The following RGL1 variants were observed in gnomAD, a reference collection of about 807,000 sequenced individuals.
RGL1 encodes ral guanine nucleotide dissociation stimulator like 1.
A neutral mutation model predicts 95.2 loss-of-function variants in RGL1; 24 were observed. That is an observed-to-expected ratio of 0.25 (90% confidence interval 0.18 to 0.35). The LOEUF is 0.35. Among genes scored for constraint, RGL1 ranks in the 10% least tolerant of loss-of-function variants. RGL1 has a pLI of 1.00. For synonymous variants in RGL1, 329 were observed against 344.9 expected, an observed-to-expected ratio of 0.95 and a Z score of 0.51; for missense variants, 715 against 936.3, an observed-to-expected ratio of 0.76 and a Z score of 3.08.
intron 1 of RGL1, among the ~76,000 whole-genome samples, chr1:183,688,361 A>G (rs1653742411): frequency 6.6e-6 from 1 of 152,194 alleles, no homozygotes; most frequent in African/African-American, 2.4e-5. Flanking sequence ...CAGTAAAAAC[A>G]CCTTTTATAT....
intron 2 of RGL1, among the ~76,000 whole-genome samples, chr1:183,798,215 T>C (rs934883522): frequency 2.6e-5 from 4 of 152,206 alleles, no homozygotes; most frequent in African/African-American, 9.6e-5. Context: ...TCAGGACTGC[T>C]TTCTTCTAAA....
chr1:183,687,716 T>C (rs959745211), intron 1 of RGL1, among the ~76,000 whole-genome samples: 4 of 152,174 alleles, frequency 2.6e-5, no homozygotes, highest in Non-Finnish European at 4.4e-5. Flanking sequence ...GAGAAGTGAA[T>C]GCAAAACATC....
At position 183,926,346 on chromosome 1, in the gene RGL1, AG is replaced by A. The variant is rs1669615754; in HGVS notation, c.*56del. On this transcript the variant is annotated 3_prime_UTR_variant, in exon 18 of 18. Transcript: ENST00000360851. Reference sequence around the variant, plus strand: ...CAAAGGCAGAGTGGGGCTGAGAAACAGGCTGCGGTGATTGCAATTACCATCC... The same window carrying A: ...CAAAGGCAGAGTGGGGCTGAGAAACAGCTGCGGTGATTGCAATTACCATCC... The A allele has an allele frequency of 6.7e-7, 1 of 1,486,092 alleles. No individual in the cohort carries two copies. The highest frequency in any genetic ancestry group is 1.4e-5 in the African/African-American group (1 of 71,090). 92.1% of individuals were successfully genotyped at this position (1,486,092 alleles called of 1,614,324 possible). A position where few individuals can be genotyped will look rare whatever the true frequency, so the allele number is the denominator to read the frequency against.
At chr1:183,856,507 A>C (rs1665157896) in intron 3 of RGL1, among the ~76,000 whole-genome samples, 1 of 151,564 alleles carries the variant, frequency 6.6e-6, no homozygotes, top group Admixed American at 6.6e-5. Context: ...TCAAATTATG[A>C]GTTTATGTTC....
rs1376804417 is a variant in RGL1 at position 183,643,258 on chromosome 1, GTTTTTTTATTTA to G, written c.-33+6761_-33+6772del. On this transcript the variant is annotated intron_variant, in intron 1 of 18. Coordinates refer to the RGL1 transcript ENST00000304685. Reference sequence around the variant, plus strand: ...TGTAGAACTATCTCTTTGAGGTCCTGTTTTTTTATTTATTTATTTATTTATTTATTTATTTAT... The same window carrying G: ...TGTAGAACTATCTCTTTGAGGTCCTGTTTATTTATTTATTTATTTATTTAT... Among the ~76,000 whole-genome samples, 189 of 142,978 alleles carry G rather than the reference GTTTTTTTATTTA, an allele frequency of 1.3e-3. 2 individuals carry two copies. Among genetic ancestry groups the G allele is most frequent in the Admixed American group, 1.4e-3 (20 of 14,204 alleles). The allele number at this position is 142,978 out of a possible 152,430, so 93.8% of individuals were successfully genotyped here.
intron 1 of RGL1, among the ~76,000 whole-genome samples, chr1:183,713,415 A>C (rs1558167693): frequency 7.8e-6 from 1 of 128,538 alleles, no homozygotes; most frequent in Non-Finnish European, 1.6e-5. Context: ...TTTTGACTGA[A>C]ACTTTATCTT....
At chr1:183,783,245 A>C (rs1258513962) in intron 2 of RGL1, among the ~76,000 whole-genome samples, 1 of 152,044 alleles carries the variant, frequency 6.6e-6, no homozygotes, top group African/African-American at 2.4e-5. Context: ...CAAGAGAGAG[A>C]GGGAGGGGGA....
intron 2 of RGL1, among the ~76,000 whole-genome samples, chr1:183,790,110 G>C (rs552724859): frequency 2.0e-5 from 3 of 151,968 alleles, no homozygotes; most frequent in South Asian, 2.1e-4. Flanking sequence ...TTTTTTGGTA[G>C]AGGTGGGGTT....
intron 1 of RGL1, among the ~76,000 whole-genome samples, chr1:183,696,554 A>G (rs549407780): frequency 6.6e-6 from 1 of 152,308 alleles, no homozygotes; most frequent in African/African-American, 2.4e-5. Context: ...ATGCATTTTC[A>G]TGACCTTAAC....
chr1:183,876,920 G>A (rs1666528929), intron 4 of RGL1, among the ~76,000 whole-genome samples: 1 of 152,156 alleles, frequency 6.6e-6, no homozygotes, highest in Admixed American at 6.5e-5. Flanking sequence ...TATGACTTCT[G>A]GCAAGTAGTT....
chr1:183,717,221 T>C (rs1655676947), intron 1 of RGL1, among the ~76,000 whole-genome samples: 1 of 152,230 alleles, frequency 6.6e-6, no homozygotes, highest in Non-Finnish European at 1.5e-5. Context: ...CCCACCTCTT[T>C]CACAGTTGCC....
At chr1:183,774,010 A>G (rs1486625222) in intron 2 of RGL1, among the ~76,000 whole-genome samples, 2 of 152,180 alleles carry the variant, frequency 1.3e-5, no homozygotes, top group Non-Finnish European at 2.9e-5. Context: ...TAATTTACTA[A>G]GAGAAGTTCA....
intron 13 of RGL1, among the ~76,000 whole-genome samples, chr1:183,906,313 A>G (rs1166051835): frequency 6.6e-6 from 1 of 152,176 alleles, no homozygotes; most frequent in Middle Eastern, 3.2e-3. Context: ...TTGGAATCAC[A>G]TATAAATTCC....
chr1:183,875,610 T>G (rs1666446377), intron 4 of RGL1, among the ~76,000 whole-genome samples: 1 of 152,046 alleles, frequency 6.6e-6, no homozygotes, highest in African/African-American at 2.4e-5. Flanking sequence ...CTGCGGTGGC[T>G]CATGCCTGTA....
At chr1:183,711,941 C>T (rs1655306076) in intron 1 of RGL1, among the ~76,000 whole-genome samples, 1 of 152,172 alleles carries the variant, frequency 6.6e-6, no homozygotes, top group African/African-American at 2.4e-5. Flanking sequence ...CTTGAGTAAG[C>T]CTCTCAGTTT....
chr1:183,893,179 G>A (rs1360097865), intron 9 of RGL1, among the ~76,000 whole-genome samples: 1 of 152,190 alleles, frequency 6.6e-6, no homozygotes, highest in Admixed American at 6.6e-5. Flanking sequence ...CATATTAAAG[G>A]CAGTGTTTGA....
chr1:183,648,619 G>A, intron 1 of RGL1: 1 of 1,614,132 alleles, frequency 6.2e-7, no homozygotes, highest in East Asian at 2.2e-5. Context: ...GTCCCATAAG[G>A]GAATCCAAAA....
chr1:183,710,735 C>G (rs1655212838), intron 1 of RGL1, among the ~76,000 whole-genome samples: 1 of 152,110 alleles, frequency 6.6e-6, no homozygotes, highest in Non-Finnish European at 1.5e-5. Context: ...CTCATGAGAA[C>G]TCCCTCACTA....
Position 183,905,075 on chromosome 1 carries a change from C to T in RGL1, c.1472+104C>T, listed in dbSNP as rs1388771637. The T allele has an allele frequency of 2.1e-6, 3 of 1,397,424 alleles. No individual in the cohort carries two copies. The African/African-American group carries it at 4.3e-5, about 20-fold the overall frequency. The allele number at this position is 1,397,424 out of a possible 1,614,324, so 86.6% of individuals were successfully genotyped here. ...ATTTATTCAACAACTATTTAGTGAGCAGCTGCTAGGTTCCAGGTCCTTGGT... is the reference window on the plus strand; with the variant it reads ...ATTTATTCAACAACTATTTAGTGAGTAGCTGCTAGGTTCCAGGTCCTTGGT... On this transcript the variant is annotated intron_variant, in intron 13 of 17. Coordinates refer to ENST00000360851, the MANE Select transcript of RGL1 (RefSeq NM_001297671.3).
Sources: gnomAD v4.1 joint callset for allele counts (sites outside exome capture counted in the v4.1 genomes callset) on GRCh38, gnomAD v4.1.1 for gene constraint, MANE v1.5 for transcripts, NCBI Gene and HGNC (gene_info 2026-07-23, HGNC 2026-07-21) for gene names.